Variants in ZMAT4 observed in about 807,000 individuals in gnomAD.
ZMAT4 encodes zinc finger matrin-type protein 4.
A neutral mutation model predicts 28.7 loss-of-function variants in ZMAT4; 17 were observed. The ratio of observed to expected loss-of-function variants is 0.59; its 90% CI spans 0.41 to 0.89. The LOEUF is 0.89. ZMAT4 is among the 40% of genes least tolerant of loss of function. The pLI is 0.00. For synonymous variants in ZMAT4, 117 were observed against 109.2 expected (o/e 1.07, Z -0.44); for missense variants, 240 against 283.8 (o/e 0.85, Z 1.11).
intron 1 of ZMAT4, among the ~76,000 whole-genome samples, chr8:40,877,627 G>A (rs1317453883): frequency 6.6e-6 from 1 of 152,206 alleles, no homozygotes; most frequent in Non-Finnish European, 1.5e-5. Flanking sequence ...AACCACAGAT[G>A]TGTTTGAACA....
intron 5 of ZMAT4, among the ~76,000 whole-genome samples, chr8:40,587,553 G>A (rs1176513305): frequency 6.6e-6 from 1 of 152,026 alleles, no homozygotes; most frequent in Non-Finnish European, 1.5e-5. Context: ...ATGAAATGGA[G>A]CAGTGATAAT....
intron 1 of ZMAT4, among the ~76,000 whole-genome samples, chr8:40,853,940 G>C (rs1257738689): frequency 1.3e-5 from 2 of 152,150 alleles, no homozygotes; most frequent in African/African-American, 4.8e-5. Context: ...AGGCTGTACA[G>C]GAAGCATGGT....
At chr8:40,635,627 T>C (rs944427706) in intron 5 of ZMAT4, among the ~76,000 whole-genome samples, 11 of 152,198 alleles carry the variant, frequency 7.2e-5, no homozygotes, top group Non-Finnish European at 1.3e-4. Context: ...GAGGGCGTGG[T>C]GGCAATGTCT....
intron 5 of ZMAT4, among the ~76,000 whole-genome samples, chr8:40,606,985 G>A (rs1324027798): frequency 1.3e-5 from 2 of 151,628 alleles, no homozygotes; most frequent in Admixed American, 6.6e-5. Context: ...TCTTCTACTT[G>A]TTCAATTCTA....
chr8:40,673,471 G>C (rs1400346900), intron 5 of ZMAT4, among the ~76,000 whole-genome samples: 2 of 152,074 alleles, frequency 1.3e-5, no homozygotes, highest in African/African-American at 4.8e-5. Context: ...AAATTGATTT[G>C]CAAATGTTGT....
chr8:40,860,675 T>A (rs1300777979), intron 1 of ZMAT4, among the ~76,000 whole-genome samples: 3 of 152,192 alleles, frequency 2.0e-5, no homozygotes, highest in Admixed American at 2.0e-4. Flanking sequence ...ACTACATGTC[T>A]CTCACTTGAC....
chr8:40,888,322 G>A (rs1385172975), intron 1 of ZMAT4, among the ~76,000 whole-genome samples: 1 of 152,184 alleles, frequency 6.6e-6, no homozygotes, highest in Non-Finnish European at 1.5e-5. Context: ...AAGGAGAGTG[G>A]CTTTGCCTTT....
At chr8:40,623,634 G>C (rs1806275774) in intron 5 of ZMAT4, among the ~76,000 whole-genome samples, 1 of 152,144 alleles carries the variant, frequency 6.6e-6, no homozygotes, top group Non-Finnish European at 1.5e-5. Context: ...ATGACCATGT[G>C]TACAAGAAAC....
intron 2 of ZMAT4, among the ~76,000 whole-genome samples, chr8:40,795,371 G>A (rs895069003): frequency 4.6e-5 from 7 of 152,150 alleles, no homozygotes; most frequent in African/African-American, 7.2e-5. Context: ...CCAAGGACAC[G>A]AATTAAAAGC....
intron 6 of ZMAT4, among the ~76,000 whole-genome samples, chr8:40,571,783 C>A (rs925798142): frequency 6.6e-5 from 10 of 152,218 alleles, no homozygotes; most frequent in African/African-American, 2.2e-4. Context: ...AGAGAAATAA[C>A]TTTACATTCT....
intron 5 of ZMAT4, among the ~76,000 whole-genome samples, chr8:40,582,780 T>A (rs901122745): frequency 6.6e-6 from 1 of 152,218 alleles, no homozygotes; most frequent in Admixed American, 6.5e-5. Flanking sequence ...CTGGCATGTA[T>A]GTGAGAGTGC....
At chr8:40,895,047 C>G (rs1818822599) in intron 1 of ZMAT4, among the ~76,000 whole-genome samples, 1 of 152,098 alleles carries the variant, frequency 6.6e-6, no homozygotes, top group Non-Finnish European at 1.5e-5. Flanking sequence ...AGAAGGATGA[C>G]AGGGATGGAG....
chr8:40,761,507 AC>A (rs1812936250), intron 3 of ZMAT4, among the ~76,000 whole-genome samples: 1 of 151,974 alleles, frequency 6.6e-6, no homozygotes, highest in African/African-American at 2.4e-5. Context: ...ATTGTTAAGC[AC>A]TCCAGCTTCC....
chr8:40,709,634 C>T (rs149291888), intron 3 of ZMAT4, among the ~76,000 whole-genome samples: 3 of 152,330 alleles, frequency 2.0e-5, no homozygotes, highest in East Asian at 1.9e-4. Flanking sequence ...AGTGAGAAAA[C>T]AGGCCAGAAC....
chr8:40,706,907 C>G (rs1402547659), intron 3 of ZMAT4, among the ~76,000 whole-genome samples: 2 of 152,290 alleles, frequency 1.3e-5, no homozygotes, highest in African/African-American at 4.8e-5. Context: ...ACCTCTCCCC[C>G]ACTAGACTAA....
At chr8:40,707,214 G>GC (rs1229240579) in intron 3 of ZMAT4, among the ~76,000 whole-genome samples, 161 of 87,164 alleles carry the variant, frequency 1.8e-3, no homozygotes, top group Non-Finnish European at 2.5e-3. Flanking sequence ...CTTCAGGCCT[G>GC]CCCCCCCACC....
Position 40,691,008 on chromosome 8 carries a change from C to T in ZMAT4, c.349+6237G>A, listed in dbSNP as rs1035896909. The T allele has an allele frequency of 1.0e-5, 8 of 785,258 alleles. No homozygotes were observed. In the East Asian group the frequency reaches 6.4e-4, roughly 63 times the overall value. The allele number at this position is 785,258 out of a possible 1,614,324, so 48.6% of individuals were successfully genotyped here. ...ATCTGTCTTTGTTGCTACCAATCCA[C>T]TTAGTGAGAGCCTTGGATTTTGAAA... On this transcript the variant is annotated intron_variant, in intron 4 of 6. Transcript: ENST00000297737.
intron 2 of ZMAT4, among the ~76,000 whole-genome samples, chr8:40,810,513 C>T (rs751683500): frequency 1.4e-4 from 21 of 152,180 alleles, no homozygotes; most frequent in Non-Finnish European, 2.5e-4. Context: ...GGAAAACTGG[C>T]TCACCACATG....
chr8:40,864,654 C>G (rs1369483414), intron 1 of ZMAT4, among the ~76,000 whole-genome samples: 1 of 152,126 alleles, frequency 6.6e-6, no homozygotes, highest in Non-Finnish European at 1.5e-5. Flanking sequence ...ATTTTAAATT[C>G]TTTGTCTCAG....
Sources: gnomAD v4.1 joint callset for allele counts (sites outside exome capture counted in the v4.1 genomes callset) on GRCh38, gnomAD v4.1.1 for gene constraint, MANE v1.5 for transcripts, NCBI Gene and HGNC (gene_info 2026-07-23, HGNC 2026-07-21) for gene names.